Variants in PCDH11X observed in about 807,000 individuals in gnomAD.
PCDH11X encodes protocadherin-11 X-linked.
Under a neutral mutation model 53.3 loss-of-function variants are expected in PCDH11X, and 18 were observed. The observed-to-expected ratio is 0.34, with a 90% CI of 0.23 to 0.50. The LOEUF (loss-of-function observed/expected upper bound fraction) is 0.50. PCDH11X is among the 20% of genes least tolerant of loss of function. The probability of loss-of-function intolerance (pLI) is 0.98; values close to 1 mark genes in which losing one functional copy is unlikely to be tolerated. For synonymous variants in PCDH11X, 279 were observed against 393.3 expected (o/e 0.71, Z 3.44); for missense variants, 570 against 1,032.4 (o/e 0.55, Z 6.14).
At chrX:91,883,255 A>T (rs1940000095) in intron 6 of PCDH11X, 1 of 789,893 alleles carries the variant, frequency 1.3e-6, no homozygotes, top group Non-Finnish European at 1.5e-6. Context: ...GTATACACTT[A>T]TGGTTAATAT....
chrX:92,106,648 CCATATTAT>C (rs1171345574), intron 6 of PCDH11X, among the ~76,000 whole-genome samples: 1 of 111,706 alleles, frequency 9.0e-6, no homozygotes, highest in Non-Finnish European at 1.9e-5. Flanking sequence ...TTTTTAAAAG[CCATATTAT>C]CATTTATTGG....
At chrX:92,315,579 C>G (rs2069056901) in intron 8 of PCDH11X, among the ~76,000 whole-genome samples, 1 of 111,305 alleles carries the variant, frequency 9.0e-6, no homozygotes, top group African/African-American at 3.3e-5. Flanking sequence ...CTCCTTCACC[C>G]AAGCTGGAGT....
chrX:92,605,338 A>G (rs1400170752), intron 10 of PCDH11X, among the ~76,000 whole-genome samples: 1 of 111,477 alleles, frequency 9.0e-6, no homozygotes, highest in Non-Finnish European at 1.9e-5. Context: ...AGAAACAACA[A>G]GAGAAATTCC....
intron 8 of PCDH11X, among the ~76,000 whole-genome samples, chrX:92,341,691 C>T (rs1023126530): frequency 1.8e-5 from 2 of 111,191 alleles, no homozygotes; most frequent in Admixed American, 9.6e-5. Context: ...TAGGATGGTA[C>T]TAAACCATTC....
At chrX:92,570,118 G>A (rs954929893) in intron 10 of PCDH11X, among the ~76,000 whole-genome samples, 28 of 109,180 alleles carry the variant, frequency 2.6e-4, no homozygotes, top group Non-Finnish European at 5.0e-4. Flanking sequence ...TTTAACTGTG[G>A]TGGTAATCAT....
intron 6 of PCDH11X, among the ~76,000 whole-genome samples, chrX:92,142,555 T>C (rs770127475): frequency 9.0e-6 from 1 of 110,919 alleles, no homozygotes; most frequent in Non-Finnish European, 1.9e-5. Context: ...AATGCAGAGA[T>C]AGGGATTGAA....
chrX:92,094,039 T>C (rs1303305400), intron 6 of PCDH11X, among the ~76,000 whole-genome samples: 2 of 110,428 alleles, frequency 1.8e-5, no homozygotes, highest in Non-Finnish European at 3.8e-5. Context: ...TAAACACAAA[T>C]TATATACGAA....
rs755630525 is a variant in PCDH11X, at chrX:91,911,798, A to AT, written c.3033+32533dup. On this transcript the variant is annotated intron_variant, in intron 6 of 10. Transcript: ENST00000682573. Reference sequence around the variant, plus strand: ...TCTTGTGGTTCTATATACACTTTACATTTTTTTTCTACTTCTATAAAGAAT... The same window carrying AT: ...TCTTGTGGTTCTATATACACTTTACATTTTTTTTTCTACTTCTATAAAGAAT... 6.5e-3 allele frequency among the ~76,000 whole-genome samples: 706 copies of AT among 109,424 alleles called. 5 individuals are homozygous for AT. Among genetic ancestry groups the AT allele is most frequent in the African/African-American group, 0.022 (678 of 30,142 alleles).
chrX:91,901,691 A>G, intron 6 of PCDH11X, among the ~76,000 whole-genome samples: 1 of 111,899 alleles, frequency 8.9e-6, no homozygotes, highest in Non-Finnish European at 1.9e-5. Context: ...ACTTCATTCC[A>G]TGAATGTGGA....
chrX:92,476,188 G>A (rs1159364697), intron 10 of PCDH11X, among the ~76,000 whole-genome samples: 1 of 95,898 alleles, frequency 1.0e-5, no homozygotes, highest in Non-Finnish European at 2.4e-5. Context: ...CATGTGAGAT[G>A]TAACTTTGCT....
chrX:91,891,641 T>G (rs1940475958), intron 6 of PCDH11X, among the ~76,000 whole-genome samples: 1 of 106,786 alleles, frequency 9.4e-6, no homozygotes, highest in Non-Finnish European at 1.9e-5. Flanking sequence ...CTGTATTTGA[T>G]AAAGCATTAT....
chrX:91,780,260 G>A (rs1057065991), intron 1 of PCDH11X, among the ~76,000 whole-genome samples: 3 of 111,681 alleles, frequency 2.7e-5, no homozygotes, highest in African/African-American at 9.8e-5. Context: ...AGCCAGGAGA[G>A]CCAGGAGCGC....
chrX:91,970,029 A>G (rs1442372273), intron 6 of PCDH11X, among the ~76,000 whole-genome samples: 1 of 110,687 alleles, frequency 9.0e-6, no homozygotes, highest in Non-Finnish European at 1.9e-5. Flanking sequence ...GCTGACTTCA[A>G]GAAGTTGCAG....
chrX:92,443,916 AT>A (rs1474248410), intron 9 of PCDH11X, among the ~76,000 whole-genome samples: 2 of 110,296 alleles, frequency 1.8e-5, no homozygotes, highest in Admixed American at 9.6e-5. Flanking sequence ...GTATCATGCT[AT>A]TTTTTTTATT....
chrX:92,047,946 C>A (rs751082586), intron 6 of PCDH11X, among the ~76,000 whole-genome samples: 1 of 111,230 alleles, frequency 9.0e-6, no homozygotes, highest in Non-Finnish European at 1.9e-5. Context: ...TGGAAAGCTG[C>A]CTGGGAGGGA....
chrX:92,243,667 G>A (rs2067301529), intron 7 of PCDH11X, among the ~76,000 whole-genome samples: 1 of 111,044 alleles, frequency 9.0e-6, no homozygotes, highest in African/African-American at 3.3e-5. Context: ...GGGAAAAAAG[G>A]TCTTGATACC....
intron 9 of PCDH11X, among the ~76,000 whole-genome samples, chrX:92,461,623 G>A (rs2073046943): frequency 8.9e-6 from 1 of 111,858 alleles, no homozygotes; most frequent in Non-Finnish European, 1.9e-5. Context: ...AAACATTGGA[G>A]AAACTATCCA....
chrX:91,822,614 CA>C (rs1233581806), intron 4 of PCDH11X, among the ~76,000 whole-genome samples: 8 of 100,861 alleles, frequency 7.9e-5, no homozygotes, highest in African/African-American at 2.5e-4. Context: ...TTGATCCTTT[CA>C]AAAAACCAGC....
At chrX:91,803,194 G>A (rs1935993465) in intron 1 of PCDH11X, among the ~76,000 whole-genome samples, 2 of 111,125 alleles carry the variant, frequency 1.8e-5, no homozygotes, top group African/African-American at 6.5e-5. Flanking sequence ...TCAAATGTTA[G>A]CATTTTTTGT....
Sources: allele counts gnomAD v4.1 joint callset (sites outside exome capture counted in the v4.1 genomes callset), GRCh38; gene constraint gnomAD v4.1.1; transcripts MANE v1.5; gene names NCBI Gene and HGNC (gene_info 2026-07-23, HGNC 2026-07-21).